GRAMD1B: variants seen among roughly 807,000 people sequenced by gnomAD.
GRAMD1B encodes protein Aster-B.
GRAMD1B carries 37 observed loss-of-function variants against 99.7 expected under a neutral mutation model. The observed-to-expected ratio is 0.37, with a 90% CI of 0.29 to 0.49. GRAMD1B has a LOEUF of 0.49. Ranked by LOEUF, GRAMD1B falls within the 20% of genes least tolerant of loss-of-function variation. The pLI, the probability that GRAMD1B is intolerant of heterozygous loss-of-function variation, is 0.98. For synonymous variants in GRAMD1B, 427 were observed against 387.6 expected (o/e 1.10, Z -1.19); for missense variants, 888 against 1,009.2 (o/e 0.88, Z 1.63).
intron 2 of GRAMD1B, chr11:123,559,581 C>A: frequency 1.6e-6 from 1 of 626,928 alleles, no homozygotes; most frequent in Non-Finnish European, 2.0e-6. Flanking sequence ...CCTCTGGGGG[C>A]TGTCTGAGTA....
chr11:123,491,795 C>T, intron 2 of GRAMD1B: 1 of 398,498 alleles, frequency 2.5e-6, no homozygotes, highest in African/African-American at 2.1e-5. Flanking sequence ...CCAGAGTGAG[C>T]CCCCAGCCCT....
At chr11:123,597,164 T>C (rs1235187398) in intron 7 of GRAMD1B, among the ~76,000 whole-genome samples, 1 of 148,870 alleles carries the variant, frequency 6.7e-6, no homozygotes, top group Admixed American at 6.7e-5. Flanking sequence ...GGCCTCACTA[T>C]ATCTCCTAGG....
At chr11:123,588,481 C>A (rs1950288817) in intron 4 of GRAMD1B, among the ~76,000 whole-genome samples, 1 of 152,162 alleles carries the variant, frequency 6.6e-6, no homozygotes, top group African/African-American at 2.4e-5. Context: ...TGGCCTGTAG[C>A]AATACTCAAA....
intron 4 of GRAMD1B, 117 bp from the exon 5 acceptor site, chr11:123,593,965 G>C: frequency 1.4e-6 from 1 of 721,102 alleles, no homozygotes; most frequent in Non-Finnish European, 2.5e-6. Flanking sequence ...GTCTGTGGGA[G>C]GGCAGAGCCT....
At chr11:123,568,386 A>C (rs1265710527) in intron 2 of GRAMD1B, among the ~76,000 whole-genome samples, 1 of 152,250 alleles carries the variant, frequency 6.6e-6, no homozygotes, top group Non-Finnish European at 1.5e-5. Flanking sequence ...ACCCGGCAAC[A>C]GTCCAGTTCC....
rs115479764 is a variant in GRAMD1B, at chr11:123,399,963, T to C, written c.-176+41164T>C. On this transcript the variant is annotated intron_variant, in intron 1 of 20. Coordinates refer to the GRAMD1B transcript ENST00000638157. The stretch of plus-strand genomic sequence containing the variant: ...CTAACTTGTGTGAGGTAATATCTCA[T>C]TGTTGTTTTGATTTGAACCTGGTAA... Among the ~76,000 whole-genome samples, 971 of 152,242 alleles carry C rather than the reference T, an allele frequency of 6.4e-3. 15 individuals are homozygous for C. Among genetic ancestry groups the C allele is most frequent in the African/African-American group, 0.022 (933 of 41,558 alleles).
intron 1 of GRAMD1B, among the ~76,000 whole-genome samples, chr11:123,391,079 G>A (rs1460320418): frequency 6.6e-6 from 1 of 152,166 alleles, no homozygotes; most frequent in Non-Finnish European, 1.5e-5. Context: ...GGCCCTTCTT[G>A]CTGGACATCA....
At position 123,613,726 on chromosome 11, in the gene GRAMD1B, GCA is replaced by G. The variant is rs1229415190; in HGVS notation, c.2227+75_2227+76del. 4.9e-6 allele frequency: 5 copies of G among 1,022,962 alleles called. No individual in the cohort carries two copies. In the African/African-American group the frequency reaches 6.4e-5, roughly 13 times the overall value. The allele number at this position is 1,022,962 out of a possible 1,614,324, so 63.4% of individuals were successfully genotyped here. A position where few individuals can be genotyped will look rare whatever the true frequency, so the allele number is the denominator to read the frequency against. On this transcript the variant is annotated intron_variant, in intron 16 of 19. Transcript: ENST00000635736. Reference sequence around the variant, plus strand: ...GCTGGAGCTGCATGCCCACACCAAGGCACACACATGCACACTCATTTTGCACC... The same window carrying G: ...GCTGGAGCTGCATGCCCACACCAAGGCACACATGCACACTCATTTTGCACC...
intron 1 of GRAMD1B, among the ~76,000 whole-genome samples, chr11:123,422,615 TG>T (rs1294285895): frequency 6.6e-6 from 1 of 152,262 alleles, no homozygotes; most frequent in Admixed American, 6.5e-5. Context: ...ACATTCATTA[TG>T]CTCCAAATGT....
intron 1 of GRAMD1B, among the ~76,000 whole-genome samples, chr11:123,393,308 T>C (rs1947344418): frequency 6.6e-6 from 1 of 152,246 alleles, no homozygotes; most frequent in Non-Finnish European, 1.5e-5. Context: ...TTATTTCTAA[T>C]GTCTATTATA....
rs976684564 is a variant in GRAMD1B, at chr11:123,587,605, T to C, written c.684+3273T>C. Among the ~76,000 whole-genome samples, 11 of 152,198 alleles carry C rather than the reference T, an allele frequency of 7.2e-5. No homozygotes were observed. The highest frequency in any genetic ancestry group is 1.5e-5 in the Non-Finnish European group (1 of 68,026). On this transcript the variant is annotated intron_variant, in intron 4 of 19. Transcript: ENST00000635736. The surrounding 1 kb of genome is among the most constrained non-coding windows in gnomAD (Gnocchi z 4.2). The stretch of plus-strand genomic sequence containing the variant: ...CTTCCTTGGCCTCCTGGCGCATTCC[T>C]GCGGGCAGTCTTCTCCATGGCAGCC...
rs1953340487 is a variant in GRAMD1B at position 123,610,134 on chromosome 11, G to A, written c.1777-62G>A. ...GGGTGGGCTTGGGGAGGCTGGAGAAGGTGCTTTTCCAAGCTTCTTGCTCCT... is the reference window on the plus strand; with the variant it reads ...GGGTGGGCTTGGGGAGGCTGGAGAAAGTGCTTTTCCAAGCTTCTTGCTCCT... On this transcript the variant is annotated intron_variant, in intron 13 of 19. Coordinates refer to ENST00000635736, the MANE Select transcript of GRAMD1B (RefSeq NM_001387025.1). This position sits in a 1 kb window ranked among gnomAD's most constrained non-coding sequence, Gnocchi z 4.1. The A allele has an allele frequency of 6.4e-7, 1 of 1,552,616 alleles. No homozygotes were observed.
At chr11:123,582,285 C>A (rs1463829058) in intron 3 of GRAMD1B, among the ~76,000 whole-genome samples, 2 of 152,228 alleles carry the variant, frequency 1.3e-5, no homozygotes, top group Non-Finnish European at 1.5e-5. Flanking sequence ...AGCCTGCTTG[C>A]CCCATCCACC....
intron 4 of GRAMD1B, among the ~76,000 whole-genome samples, chr11:123,588,253 G>A (rs1950265534): frequency 6.6e-6 from 1 of 152,046 alleles, no homozygotes; most frequent in Non-Finnish European, 1.5e-5. Flanking sequence ...TCCCTGGGAA[G>A]AGGGTACCAC....
At chr11:123,433,805 C>T (rs1012129270) in intron 1 of GRAMD1B, among the ~76,000 whole-genome samples, 4 of 151,032 alleles carry the variant, frequency 2.6e-5, no homozygotes, top group Non-Finnish European at 5.9e-5. Context: ...TTCCTGGTTT[C>T]GAGAGTTGTC....
chr11:123,513,957 A>T (rs1941422492), intron 2 of GRAMD1B, among the ~76,000 whole-genome samples: 1 of 152,118 alleles, frequency 6.6e-6, no homozygotes, highest in East Asian at 1.9e-4. Flanking sequence ...TGCTGGCAAG[A>T]GTTTTTGTCT....
At chr11:123,405,871 G>T (rs1947837791) in intron 1 of GRAMD1B, among the ~76,000 whole-genome samples, 1 of 152,150 alleles carries the variant, frequency 6.6e-6, no homozygotes, top group South Asian at 2.1e-4. Flanking sequence ...ATCAGACCAG[G>T]TTGCTTTACA....
chr11:123,578,144 C>T (rs181632156), intron 3 of GRAMD1B, among the ~76,000 whole-genome samples: 4 of 152,160 alleles, frequency 2.6e-5, no homozygotes, highest in African/African-American at 4.8e-5. Flanking sequence ...TAAAATAGGC[C>T]CCAGGGGGGC....
intron 2 of GRAMD1B, chr11:123,491,618 G>A: frequency 2.9e-6 from 1 of 347,020 alleles, no homozygotes; most frequent in Non-Finnish European, 5.2e-6. Flanking sequence ...GCTGTGGCTT[G>A]GGCAGGAGGC....
Sources: gnomAD v4.1 joint callset for allele counts (sites outside exome capture counted in the v4.1 genomes callset) on GRCh38, gnomAD v4.1.1 for gene constraint, Gnocchi (gnomAD v3.1) non-coding constraint, MANE v1.5 for transcripts, NCBI Gene and HGNC (gene_info 2026-07-23, HGNC 2026-07-21) for gene names.